The following RTN3 variants were observed in gnomAD, a reference collection of about 807,000 sequenced individuals.
The protein encoded by RTN3 is reticulon 3, also known as reticulon-3.
Under a neutral mutation model 77.8 loss-of-function variants are expected in RTN3, and 49 were observed. The observed-to-expected ratio is 0.63, with a 90% CI of 0.50 to 0.80. The LOEUF (loss-of-function observed/expected upper bound fraction) is 0.80, where lower values mean the gene tolerates loss of function less well. Among genes scored for constraint, RTN3 ranks in the 30% least tolerant of loss-of-function variants. RTN3 has a pLI of 0.00. For missense variants in RTN3, 1,236 were observed against 1,211.9 expected (o/e 1.02, Z -0.29); for synonymous variants, 464 against 446.9 (o/e 1.04, Z -0.48).
chr11:63,719,182 C>A lies in RTN3; in HGVS notation c.680C>A (p.Ser227Tyr). Residue 227 changes from serine to tyrosine, a missense_variant, in exon 3 of 9, where the codon TCT becomes TAT. Physicochemically the swap from Ser to Tyr is moderately radical, Grantham distance 144. This residue lies in a region of RTN3 where 1,056 missense variants were observed against 990.4 expected (regional missense o/e 1.07). Coordinates refer to ENST00000377819, the MANE Select transcript of RTN3 (RefSeq NM_001265589.2). ...AAGGTAGAAGGCATTTATACATATT[C>A]TTTGTCTCCATCCAAAGTTTCAGGA... The part of the protein sequence containing the change: ...YSKVEGIYTY[S>Y]LSPSKVSGDD... 2.5e-6 allele frequency: 4 copies of A among 1,614,188 alleles called. No individual in the cohort carries two copies. The highest frequency in any genetic ancestry group is 3.4e-6 in the Non-Finnish European group (4 of 1,180,032).
At chr11:63,745,651 C>T (rs1257220259) in intron 3 of RTN3, among the ~76,000 whole-genome samples, 7 of 152,214 alleles carry the variant, frequency 4.6e-5, no homozygotes, top group East Asian at 1.9e-4. Flanking sequence ...TATCTTAAGG[C>T]TGAGCCCAGG....
intron 2 of RTN3, among the ~76,000 whole-genome samples, chr11:63,711,463 C>T (rs1167367975): frequency 1.3e-5 from 2 of 151,488 alleles, no homozygotes; most frequent in Non-Finnish European, 2.9e-5. Flanking sequence ...AATTAGGGCT[C>T]ACTGCAGCCT....
chr11:63,717,522 G>A (rs1240635591), intron 2 of RTN3, among the ~76,000 whole-genome samples: 1 of 151,204 alleles, frequency 6.6e-6, no homozygotes, highest in African/African-American at 2.4e-5. Flanking sequence ...CGAGTAGCTG[G>A]AATTACAGGT....
chr11:63,690,957 C>T (rs1393423309), intron 1 of RTN3, among the ~76,000 whole-genome samples: 1 of 152,102 alleles, frequency 6.6e-6, no homozygotes, highest in East Asian at 1.9e-4. Context: ...GCTATCTCCA[C>T]TATCTAATTC....
chr11:63,690,605 C>T (rs952122818), intron 1 of RTN3, among the ~76,000 whole-genome samples: 3 of 152,144 alleles, frequency 2.0e-5, no homozygotes, highest in Admixed American at 6.6e-5. Context: ...GTAAAAGTGG[C>T]TCAGTTACCC....
Position 63,720,300 on chromosome 11 carries a change from C to T in RTN3, c.1798C>T (p.Pro600Ser), listed in dbSNP as rs1389390571. The change falls in exon 3 of 9, where the codon CCT (proline) becomes TCT (serine). Residue 600 changes from proline to serine, a missense_variant. Around this residue, in one of 3 missense-constraint regions of RTN3, gnomAD observed 1,056 missense variants for 990.4 expected, o/e 1.07. Transcript: ENST00000377819. ...CTTAGAAGATGTGAGTGAAGTTGCT[C>T]CTGAAAAGCCTATTACTACTGAGAA... ...VSLEDVSEVA[P>S]EKPITTENPK... 1 of 1,613,166 alleles carries T rather than the reference C, an allele frequency of 6.2e-7. No individual in the cohort carries two copies. Among genetic ancestry groups the T allele is most frequent in the Non-Finnish European group, 8.5e-7 (1 of 1,179,586 alleles).
At chr11:63,718,573 A>G in intron 2 of RTN3, 129 bp from the exon 3 acceptor site, 2 of 583,784 alleles carry the variant, frequency 3.4e-6, no homozygotes, top group South Asian at 3.1e-5. Context: ...ATGTGTGTAT[A>G]TATACATCCT....
rs1296371143 is a variant in RTN3, at chr11:63,719,760, C to T, written c.1258C>T (p.Pro420Ser). 6.2e-7 allele frequency: 1 copy of T among 1,613,994 alleles called. No individual in the cohort carries two copies. The highest frequency in any genetic ancestry group is 8.5e-7 in the Non-Finnish European group (1 of 1,180,040). ...GCAAGAAAATGCTATTACTGGAAAA[C>T]CTGTACCTGACTCTTTGAATTCCAC... is the stretch of plus-strand genomic sequence containing the variant. ...LQQENAITGKPVPDSLNSTKE... is the reference protein window; with the variant it reads ...LQQENAITGKSVPDSLNSTKE... Residue 420 changes from proline to serine, a missense_variant, in exon 3 of 9, where the codon CCT becomes TCT. Pro to Ser is a moderately conservative substitution (Grantham distance 74, BLOSUM62 -1). Transcript: ENST00000377819.
At chr11:63,685,173 A>G in intron 1 of RTN3, among the ~76,000 whole-genome samples, 1 of 152,056 alleles carries the variant, frequency 6.6e-6, no homozygotes, top group East Asian at 1.9e-4. Context: ...TTGGGTCACT[A>G]CTTGAACATA....
At chr11:63,728,173 T>G (rs1383753651) in intron 3 of RTN3, among the ~76,000 whole-genome samples, 1 of 152,138 alleles carries the variant, frequency 6.6e-6, no homozygotes, top group African/African-American at 2.4e-5. Flanking sequence ...CATACAGGGA[T>G]GTACTTAATT....
intron 3 of RTN3, among the ~76,000 whole-genome samples, chr11:63,745,365 G>T (rs1196598239): frequency 6.6e-6 from 1 of 152,198 alleles, no homozygotes. Flanking sequence ...TGAAGAGCCT[G>T]CTACAAATAA....
chr11:63,686,963 A>G (rs1941407976), intron 1 of RTN3, among the ~76,000 whole-genome samples: 1 of 152,238 alleles, frequency 6.6e-6, no homozygotes, highest in Non-Finnish European at 1.5e-5. Flanking sequence ...TTTGCTTTAA[A>G]TATTTCTTTC....
At position 63,752,585 on chromosome 11, in the gene RTN3, C is replaced by T; in HGVS notation, c.2817C>T (p.Asn939=). 1 of 1,613,864 alleles carries T rather than the reference C, an allele frequency of 6.2e-7. No individual in the cohort carries two copies. The highest frequency in any genetic ancestry group is 8.5e-7 in the Non-Finnish European group (1 of 1,179,786). ...NYMNAAMVHI[N]RALKLIIRLF... ...TGAATGCTGCCATGGTGCACATCAA[C>T]AGGGCCCTGAAACTCATTATTCGTC... The change falls in exon 5 of 9, where the codon AAC becomes AAT. Residue 939 remains asparagine, a synonymous_variant. Coordinates refer to ENST00000377819, the MANE Select transcript of RTN3 (RefSeq NM_001265589.2).
At chr11:63,696,076 TTTG>T (rs1195610276) in intron 1 of RTN3, among the ~76,000 whole-genome samples, 1 of 151,258 alleles carries the variant, frequency 6.6e-6, no homozygotes, top group African/African-American at 2.4e-5. Flanking sequence ...TTATTAGACC[TTTG>T]TTAAGTTTCC....
At chr11:63,685,735 T>C (rs1016599519) in intron 1 of RTN3, among the ~76,000 whole-genome samples, 1 of 152,210 alleles carries the variant, frequency 6.6e-6, no homozygotes, top group African/African-American at 2.4e-5. Context: ...AGCTTCATGT[T>C]CTTTCACCAA....
chr11:63,755,620 C>T (rs549339451), intron 7 of RTN3, among the ~76,000 whole-genome samples: 44 of 132,384 alleles, frequency 3.3e-4, no homozygotes, highest in Admixed American at 2.7e-3. Flanking sequence ...CATTGCACTC[C>T]AGCCTGGACA....
At chr11:63,735,052 A>G (rs1419522441) in intron 3 of RTN3, among the ~76,000 whole-genome samples, 1 of 152,138 alleles carries the variant, frequency 6.6e-6, no homozygotes, top group Non-Finnish European at 1.5e-5. Flanking sequence ...TTTTTGAGAC[A>G]GCCTTTCTCT....
chr11:63,717,647 A>G (rs531581711), intron 2 of RTN3, among the ~76,000 whole-genome samples: 2 of 151,930 alleles, frequency 1.3e-5, no homozygotes, highest in East Asian at 1.9e-4. Context: ...CACCCAGCCA[A>G]GTTAACTCTG....
intron 1 of RTN3, among the ~76,000 whole-genome samples, chr11:63,698,426 G>A (rs1200536992): frequency 6.6e-6 from 1 of 152,182 alleles, no homozygotes; most frequent in African/African-American, 2.4e-5. Flanking sequence ...GCGTCTGATT[G>A]TTTTTCATAG....
Sources: allele counts gnomAD v4.1 joint callset (sites outside exome capture counted in the v4.1 genomes callset), GRCh38; gene constraint gnomAD v4.1.1; regional missense constraint gnomAD v4.1.1; transcripts MANE v1.5; gene names NCBI Gene and HGNC (gene_info 2026-07-23, HGNC 2026-07-21).